MIPEP: variants seen among roughly 807,000 people sequenced by gnomAD.
The protein encoded by MIPEP is mitochondrial intermediate peptidase.
In MIPEP, 79 loss-of-function variants were observed where a neutral mutation model predicts 90.3. The ratio of observed to expected loss-of-function variants is 0.87; its 90% CI spans 0.73 to 1.05. The LOEUF (loss-of-function observed/expected upper bound fraction) is 1.05, where lower values mean the gene tolerates loss of function less well. MIPEP is among the 50% of genes least tolerant of loss of function. The probability of loss-of-function intolerance (pLI) is 0.00; values close to 1 mark genes in which losing one functional copy is unlikely to be tolerated. For missense variants in MIPEP, 940 were observed against 905.6 expected, an observed-to-expected ratio of 1.04 and a Z score of -0.49; for synonymous variants, 334 against 315.8, an observed-to-expected ratio of 1.06 and a Z score of -0.61.
intron 5 of MIPEP, among the ~76,000 whole-genome samples, chr13:23,874,176 T>A (rs1870955137): frequency 6.6e-6 from 1 of 152,178 alleles, no homozygotes; most frequent in African/African-American, 2.4e-5. Flanking sequence ...TGGGGGAGAC[T>A]GTGGGGCAGG....
chr13:23,793,885 G>A (rs1290269926), intron 16 of MIPEP, among the ~76,000 whole-genome samples: 1 of 152,032 alleles, frequency 6.6e-6, no homozygotes, highest in Admixed American at 6.5e-5. Context: ...GCTGGAGGAA[G>A]CTTGGGTGAC....
At chr13:23,747,678 T>G (rs927867582) in intron 18 of MIPEP, 7 of 392,380 alleles carry the variant, frequency 1.8e-5, no homozygotes, top group Non-Finnish European at 3.5e-5. Flanking sequence ...AATATTCATG[T>G]GATAAAAAAA....
At position 23,819,901 on chromosome 13, in the gene MIPEP, T is replaced by G. The variant is rs561060016; in HGVS notation, c.1654-9977A>C. On this transcript the variant is annotated intron_variant, in intron 14 of 18. Coordinates refer to ENST00000382172, the MANE Select transcript of MIPEP (RefSeq NM_005932.4). ...GCATGTACCTGTAATCCCAGCTACT[T>G]GGGAGGCTGAGGGAGGAGAATTGCT... Among the ~76,000 whole-genome samples, 28 of 151,854 alleles carry G rather than the reference T, an allele frequency of 1.8e-4. No individual in the cohort carries two copies. In the South Asian group the frequency reaches 5.0e-3, roughly 27 times the overall value.
intron 16 of MIPEP, among the ~76,000 whole-genome samples, chr13:23,761,797 C>T (rs1952547568): frequency 6.6e-6 from 1 of 152,218 alleles, no homozygotes; most frequent in South Asian, 2.1e-4. Flanking sequence ...CCACTTTCTT[C>T]TGTCTTTATC....
In MIPEP at chr13:23,861,106, A is replaced by G. The variant is rs370788739; in HGVS notation, c.1053+1196T>C. Among the ~76,000 whole-genome samples the G allele has an allele frequency of 2.6e-5, 4 of 152,228 alleles. No homozygotes were observed. The East Asian group carries it at 5.8e-4, about 22-fold the overall frequency. On this transcript the variant is annotated intron_variant, in intron 9 of 18. Coordinates refer to ENST00000382172, the MANE Select transcript of MIPEP (RefSeq NM_005932.4). ...GTCCAGGAACCACACTTTGAGAACC[A>G]CTGGTCTGGATTAAGTATAGGTCCT...
intron 14 of MIPEP, among the ~76,000 whole-genome samples, chr13:23,810,353 C>T (rs997448210): frequency 1.3e-5 from 2 of 152,066 alleles, no homozygotes; most frequent in African/African-American, 4.8e-5. Context: ...TCACAGTGTC[C>T]GCCAGTGTTA....
In MIPEP at chr13:23,889,315, C is replaced by G. The variant is rs1871699527; in HGVS notation, c.6G>C (p.Leu2=). 1.0e-5 allele frequency: 14 copies of G among 1,347,266 alleles called. No individual in the cohort carries two copies. Among genetic ancestry groups the G allele is most frequent in the Non-Finnish European group, 1.3e-5 (14 of 1,048,216 alleles). 83.5% of individuals were successfully genotyped at this position (1,347,266 alleles called of 1,614,324 possible). Residue 2 remains leucine (L), a synonymous_variant, in exon 1 of 19, where the codon CTG becomes CTC. Coordinates refer to ENST00000382172, the MANE Select transcript of MIPEP (RefSeq NM_005932.4). ...CCAAGCCGCCCAGCCTTCCGACGCA[C>G]AGCATTCTAGCACCAGAGCAGTCCC... is the stretch of plus-strand genomic sequence containing the variant. M[L]CVGRLGGLGA...
intron 18 of MIPEP, among the ~76,000 whole-genome samples, chr13:23,731,251 C>T (rs1413433067): frequency 1.3e-5 from 2 of 152,130 alleles, no homozygotes; most frequent in African/African-American, 4.8e-5. Context: ...TCTGTAAAAC[C>T]ATTTTCAAAA....
intron 14 of MIPEP, among the ~76,000 whole-genome samples, chr13:23,828,861 T>G (rs192180858): frequency 2.6e-4 from 39 of 152,330 alleles, no homozygotes; most frequent in Non-Finnish European, 3.4e-4. Flanking sequence ...CAAGAAATTT[T>G]GAAGAACAAA....
At chr13:23,797,698 T>A (rs867177555) in intron 16 of MIPEP, among the ~76,000 whole-genome samples, 1 of 152,194 alleles carries the variant, frequency 6.6e-6, no homozygotes, top group Non-Finnish European at 1.5e-5. Flanking sequence ...TGAGGAAGAA[T>A]GCAAGAGCCC....
chr13:23,824,900 G>A (rs1171888781), intron 14 of MIPEP, among the ~76,000 whole-genome samples: 1 of 152,132 alleles, frequency 6.6e-6, no homozygotes, highest in African/African-American at 2.4e-5. Context: ...AAGAAACATA[G>A]GTCAGATGGC....
chr13:23,885,532 C>A (rs906373714), intron 2 of MIPEP, among the ~76,000 whole-genome samples: 1 of 151,814 alleles, frequency 6.6e-6, no homozygotes, highest in Non-Finnish European at 1.5e-5. Context: ...GCATTGCATG[C>A]CTCTATCAAA....
At chr13:23,801,779 A>G (rs1953045354) in intron 16 of MIPEP, among the ~76,000 whole-genome samples, 1 of 152,150 alleles carries the variant, frequency 6.6e-6, no homozygotes. Context: ...CCATAGCTGA[A>G]CAGTATTCCA....
chr13:23,738,230 T>C (rs1952285894), intron 18 of MIPEP, among the ~76,000 whole-genome samples: 1 of 152,194 alleles, frequency 6.6e-6, no homozygotes, highest in Non-Finnish European at 1.5e-5. Context: ...TCATGGCCTG[T>C]GGGCTGCATG....
chr13:23,746,881 G>A (rs566911931), intron 18 of MIPEP, among the ~76,000 whole-genome samples: 2 of 152,198 alleles, frequency 1.3e-5, no homozygotes, highest in Middle Eastern at 3.4e-3. Context: ...GTCAACCTCT[G>A]GACGTATCTC....
At chr13:23,828,296 G>A (rs761808966) in intron 14 of MIPEP, among the ~76,000 whole-genome samples, 1 of 152,154 alleles carries the variant, frequency 6.6e-6, no homozygotes, top group Non-Finnish European at 1.5e-5. Context: ...CCCATACCAC[G>A]GCTTTTACTC....
intron 4 of MIPEP, 94 bp from the exon 5 acceptor site, chr13:23,875,003 C>T: frequency 1.2e-6 from 1 of 820,906 alleles, no homozygotes; most frequent in Non-Finnish European, 1.9e-6. Flanking sequence ...TCTTTTTCAG[C>T]CTCACTGCCA....
intron 16 of MIPEP, among the ~76,000 whole-genome samples, chr13:23,790,944 G>T (rs1236251066): frequency 1.3e-5 from 2 of 152,078 alleles, no homozygotes; most frequent in Non-Finnish European, 2.9e-5. Flanking sequence ...TCTAGGCCTT[G>T]CCATTACTGT....
intron 18 of MIPEP, among the ~76,000 whole-genome samples, chr13:23,732,934 G>C (rs2138475788): frequency 6.6e-6 from 1 of 152,332 alleles, no homozygotes; most frequent in Non-Finnish European, 1.5e-5. Flanking sequence ...AATACAGTAA[G>C]CAACTATTGA....
Sources: gnomAD v4.1 joint callset for allele counts (sites outside exome capture counted in the v4.1 genomes callset) on GRCh38, gnomAD v4.1.1 for gene constraint, MANE v1.5 for transcripts, NCBI Gene and HGNC (gene_info 2026-07-23, HGNC 2026-07-21) for gene names.